Variants in DAG1 observed in about 807,000 individuals in gnomAD.
The protein encoded by DAG1 is dystroglycan 1 (dystrophin-associated glycoprotein 1).
In DAG1, 8 loss-of-function variants were observed where a neutral mutation model predicts 46.1. That is an observed-to-expected ratio of 0.17 (90% CI 0.10 to 0.31). The LOEUF (loss-of-function observed/expected upper bound fraction) is 0.31, where lower values mean the gene tolerates loss of function less well. Among genes scored for constraint, DAG1 ranks in the 10% least tolerant of loss-of-function variants. DAG1 has a pLI of 1.00. For synonymous variants in DAG1, 495 were observed against 481.8 expected (o/e 1.03, Z -0.36); for missense variants, 1,003 against 1,189.9 (o/e 0.84, Z 2.31).
chr3:49,532,321 G>A lies in DAG1; in HGVS notation c.1810G>A (p.Ala604Thr), dbSNP rs748835342. The change falls in exon 3 of 3, where the codon GCT becomes ACT. Residue 604 changes from alanine to threonine, a missense_variant. By Grantham distance (58) the Ala-to-Thr change is moderately conservative. Coordinates refer to ENST00000308775, the MANE Select transcript of DAG1 (RefSeq NM_004393.6). The surrounding 1 kb of genome is among the most constrained non-coding windows in gnomAD (Gnocchi z 5.4). ...HVHRRPQGDR[A>T]PARFKAKFVG... ...CCACAGGCGCCCCCAAGGGGATAGGGCTCCTGCAAGGTTCAAGGCCAAGTT... is the reference window on the plus strand; with the variant it reads ...CCACAGGCGCCCCCAAGGGGATAGGACTCCTGCAAGGTTCAAGGCCAAGTT... The A allele has an allele frequency of 6.2e-7, 1 of 1,614,174 alleles. No homozygotes were observed. Among genetic ancestry groups the A allele is most frequent in the South Asian group, 1.1e-5 (1 of 91,086 alleles).
chr3:49,488,980 T>C (rs2050111142), intron 1 of DAG1, among the ~76,000 whole-genome samples: 1 of 152,166 alleles, frequency 6.6e-6, no homozygotes, highest in Admixed American at 6.6e-5. Flanking sequence ...CAATGTGTCA[T>C]TTGTGGAGAG....
intron 2 of DAG1, among the ~76,000 whole-genome samples, chr3:49,515,676 C>CGAT (rs1438170936): frequency 1.3e-5 from 2 of 152,042 alleles, no homozygotes; most frequent in Non-Finnish European, 2.9e-5. Context: ...ATGAGCATCA[C>CGAT]GCCCAGCCTG....
chr3:49,510,689 C>T lies in DAG1; in HGVS notation c.155C>T (p.Ser52Leu). 6.2e-7 allele frequency: 1 copy of T among 1,614,164 alleles called. No homozygotes were observed. Among genetic ancestry groups the T allele is most frequent in the Non-Finnish European group, 8.5e-7 (1 of 1,180,032 alleles). ...AACCAGCTTGAGGCATCCATGCACT[C>T]AGTGCTCTCAGACCTCCACGAGGCT... ...WENQLEASMH[S>L]VLSDLHEAVP... The change falls in exon 2 of 3, where the codon TCA becomes TTA. Residue 52 changes from serine (S) to leucine (L), a missense_variant. Ser to Leu is a moderately radical substitution (Grantham distance 145). Around this residue, in one of 3 missense-constraint regions of DAG1, gnomAD observed 196 missense variants for 239.1 expected, o/e 0.82. Coordinates refer to ENST00000308775, the MANE Select transcript of DAG1 (RefSeq NM_004393.6).
intron 1 of DAG1, among the ~76,000 whole-genome samples, chr3:49,483,418 T>C (rs1041830821): frequency 6.6e-6 from 1 of 152,056 alleles, no homozygotes; most frequent in Non-Finnish European, 1.5e-5. Context: ...TTGGTCAGGC[T>C]GGTCTCAAAC....
rs1290739352 is a variant in DAG1, at chr3:49,531,729, C to T, written c.1218C>T (p.Thr406=). ...TVPGQIRPTM[T]IPGYVEPTAV... is the part of the protein sequence containing the mutation. ...CTGGCCAGATTCGCCCAACGATGAC[C>T]ATTCCTGGCTATGTGGAGCCTACTG... Residue 406 remains threonine, a synonymous_variant, in exon 3 of 3, where the codon ACC becomes ACT. Coordinates refer to ENST00000308775, the MANE Select transcript of DAG1 (RefSeq NM_004393.6). The surrounding 1 kb of genome is among the most constrained non-coding windows in gnomAD (Gnocchi z 7.0). 1.2e-6 allele frequency: 2 copies of T among 1,613,982 alleles called. No homozygotes were observed. The highest frequency in any genetic ancestry group is 8.5e-7 in the Non-Finnish European group (1 of 1,180,036).
chr3:49,511,639 A>C (rs2050763894), intron 2 of DAG1, among the ~76,000 whole-genome samples: 1 of 152,132 alleles, frequency 6.6e-6, no homozygotes, highest in Non-Finnish European at 1.5e-5. Flanking sequence ...TCAGCCTCCC[A>C]AGTAGCTGGG....
chr3:49,468,950 A>G (rs2049442227), upstream of DAG1: 1 of 151,356 alleles, frequency 6.6e-6, no homozygotes, highest in Non-Finnish European at 1.5e-5. Flanking sequence ...GGCCTCCCAT[A>G]GTGCTGGGAC....
chr3:49,504,475 C>CA (rs2050541428), intron 1 of DAG1, among the ~76,000 whole-genome samples: 1 of 150,028 alleles, frequency 6.7e-6, no homozygotes, highest in African/African-American at 2.5e-5. Flanking sequence ...GCATTGTTGT[C>CA]AAAAATCACT....
intron 1 of DAG1, among the ~76,000 whole-genome samples, chr3:49,497,955 C>A (rs539989345): frequency 7.3e-4 from 111 of 152,330 alleles, no homozygotes; most frequent in Middle Eastern, 3.4e-3. Flanking sequence ...AACCAAACCA[C>A]CGCCAGCAGA....
rs750907019 is a variant in DAG1 at position 49,510,511 on chromosome 3, G to A, written c.-24G>A. ...TGCTTCCTTACTTAGCAAGACTATC[G>A]ACTTGAGCAAACTTGGACCTGGGAT... On this transcript the variant is annotated 5_prime_UTR_variant, in exon 2 of 3. Transcript: ENST00000308775. The A allele has an allele frequency of 2.1e-5, 34 of 1,610,886 alleles. No individual in the cohort carries two copies. In the Middle Eastern group the frequency reaches 5.9e-4, roughly 28 times the overall value.
Position 49,506,128 on chromosome 3 carries a change from C to T in DAG1, c.-116-4291C>T, listed in dbSNP as rs541515624. On this transcript the variant is annotated intron_variant, in intron 1 of 2. Coordinates refer to ENST00000308775, the MANE Select transcript of DAG1 (RefSeq NM_004393.6). ...CTGAGTAGCTAGGATTACAGGTGCC[C>T]GCCACCACGCCTGGCTAATTTTTTG... Among the ~76,000 whole-genome samples, 86 of 151,534 alleles carry T rather than the reference C, an allele frequency of 5.7e-4. 1 individual carries two copies. Among genetic ancestry groups the T allele is most frequent in the Middle Eastern group, 3.4e-3 (1 of 294 alleles).
In DAG1 at chr3:49,504,761, ATTT is replaced by A. The variant is rs57684297; in HGVS notation, c.-116-5637_-116-5635del. Among the ~76,000 whole-genome samples the A allele has an allele frequency of 3.3e-5, 3 of 89,928 alleles. 1 individual carries two copies. The highest frequency in any genetic ancestry group is 6.3e-5 in the Non-Finnish European group (3 of 47,828). 59.0% of individuals were successfully genotyped at this position (89,928 alleles called of 152,430 possible). ...AGGCGCCCGCTACCACGCCCAGCTA[ATTT>A]TTTTTTTTTTTTTTTTTTTTGTATT... On this transcript the variant is annotated intron_variant, in intron 1 of 2. Coordinates refer to ENST00000308775, the MANE Select transcript of DAG1 (RefSeq NM_004393.6).
In DAG1 at chr3:49,531,198, G is replaced by A. The variant is rs975103246; in HGVS notation, c.687G>A (p.Pro229=). ...AGCTTCACAACATGAAATTAGTGCC[G>A]GTGGTGAATAACAGACTATTTGACA... ...EVELHNMKLV[P]VVNNRLFDMS... Residue 229 remains proline (P), a synonymous_variant, in exon 3 of 3, where the codon CCG becomes CCA. Coordinates refer to ENST00000308775, the MANE Select transcript of DAG1 (RefSeq NM_004393.6). This position sits in a 1 kb window ranked among gnomAD's most constrained non-coding sequence, Gnocchi z 7.0. The A allele has an allele frequency of 5.6e-6, 9 of 1,614,034 alleles. No homozygotes were observed. In the Admixed American group the frequency reaches 6.7e-5, roughly 12 times the overall value.
chr3:49,518,724 G>T (rs977433208), intron 2 of DAG1, among the ~76,000 whole-genome samples: 1 of 152,160 alleles, frequency 6.6e-6, no homozygotes, highest in African/African-American at 2.4e-5. Flanking sequence ...CTTGAGAATT[G>T]ATATTCTGTT....
chr3:49,511,966 C>T lies in DAG1; in HGVS notation c.285+1147C>T, dbSNP rs373229005. On this transcript the variant is annotated intron_variant, in intron 2 of 2. Transcript: ENST00000308775. ...ATACTTTTTCTTTTTTAATTTTTTA[C>T]ACTTATAGTCCCATTCTGACTTGAA... Among the ~76,000 whole-genome samples the T allele has an allele frequency of 2.6e-5, 4 of 152,302 alleles. No individual in the cohort carries two copies. The East Asian group carries it at 5.8e-4, about 22-fold the overall frequency.
chr3:49,510,374 C>A, intron 1 of DAG1, 45 bp from the exon 2 acceptor site: 1 of 708,884 alleles, frequency 1.4e-6, no homozygotes. Context: ...GTGACTGAAC[C>A]ACTGGAATTG....
At position 49,531,454 on chromosome 3, in the gene DAG1, C is replaced by T; in HGVS notation, c.943C>T (p.His315Tyr). The change falls in exon 3 of 3, where the codon CAT becomes TAT. Residue 315 changes from histidine (H) to tyrosine (Y), a missense_variant. This residue lies in a region of DAG1 where 755 missense variants were observed against 854.1 expected (regional missense o/e 0.88). Transcript: ENST00000308775. The surrounding 1 kb of genome is among the most constrained non-coding windows in gnomAD (Gnocchi z 7.0). ...TCCCAAACGCGTCCGGAGGCAGATC[C>T]ATGCTACACCCACACCTGTCACTGC... The part of the protein sequence containing the change: ...PLPKRVRRQI[H>Y]ATPTPVTAIG... 1.2e-6 allele frequency: 2 copies of T among 1,613,996 alleles called. No homozygotes were observed. The highest frequency in any genetic ancestry group is 8.5e-7 in the Non-Finnish European group (1 of 1,180,006).
intron 1 of DAG1, among the ~76,000 whole-genome samples, chr3:49,503,969 G>C (rs2050526934): frequency 6.6e-6 from 1 of 152,062 alleles, no homozygotes; most frequent in Non-Finnish European, 1.5e-5. Context: ...GTTGTTAGAA[G>C]AGGGATCCTA....
chr3:49,510,964 T>G, intron 2 of DAG1, 145 bp downstream of exon 2: 2 of 1,518,272 alleles, frequency 1.3e-6, no homozygotes, highest in Non-Finnish European at 1.8e-6. Flanking sequence ...GCCACTGATG[T>G]TCATAAGAGA....
Sources: gnomAD v4.1 joint callset for allele counts (sites outside exome capture counted in the v4.1 genomes callset) on GRCh38, gnomAD v4.1.1 for gene constraint, gnomAD v4.1.1 regional missense constraint, Gnocchi (gnomAD v3.1) non-coding constraint, MANE v1.5 for transcripts, NCBI Gene and HGNC (gene_info 2026-07-23, HGNC 2026-07-21) for gene names.